SYNPR: variants seen among roughly 807,000 people sequenced by gnomAD.
The protein encoded by SYNPR is synaptoporin.
A neutral mutation model predicts 32.9 loss-of-function variants in SYNPR; 23 were observed. The observed-to-expected ratio is 0.70, with a 90% CI of 0.50 to 0.99. The LOEUF (loss-of-function observed/expected upper bound fraction) is 0.99, where lower values mean the gene tolerates loss of function less well. SYNPR is among the 50% of genes least tolerant of loss of function. The pLI is 0.00. For synonymous variants in SYNPR, 146 were observed against 135.9 expected (o/e 1.07, Z -0.52); for missense variants, 318 against 349.3 (o/e 0.91, Z 0.71).
intron 4 of SYNPR, among the ~76,000 whole-genome samples, chr3:63,589,208 A>G (rs1446695220): frequency 1.3e-5 from 2 of 152,126 alleles, no homozygotes; most frequent in African/African-American, 4.8e-5. Context: ...AAGATCCTGG[A>G]TGCAACCAGA....
At chr3:63,224,441 C>T (rs2086114312), upstream of SYNPR, among the ~76,000 whole-genome samples, 1 of 152,138 alleles carries the variant, frequency 6.6e-6, no homozygotes, top group African/African-American at 2.4e-5. Context: ...TGATAGAAGA[C>T]ATGACTAATT....
chr3:63,334,559 G>T (rs763157171), intron 2 of SYNPR, among the ~76,000 whole-genome samples: 18 of 141,092 alleles, frequency 1.3e-4, no homozygotes, highest in South Asian at 4.4e-4. Flanking sequence ...TGTGTGTGTG[G>T]ACACACGTGG....
Position 63,543,931 on chromosome 3 carries a change from C to T in SYNPR, c.210-12612C>T, listed in dbSNP as rs149920952. Among the ~76,000 whole-genome samples, 55 of 152,036 alleles carry T rather than the reference C, an allele frequency of 3.6e-4. 1 individual carries two copies. The East Asian group carries it at 8.7e-3, about 24-fold the overall frequency. ...AAGACCTTGGGAATAAGGTGGGTGG[C>T]GGGGCGTTATTCTAGTAAGAGAAAG... On this transcript the variant is annotated intron_variant, in intron 3 of 5. Transcript: ENST00000478300.
intron 3 of SYNPR, among the ~76,000 whole-genome samples, chr3:63,522,595 A>G (rs1701936802): frequency 6.6e-6 from 1 of 152,150 alleles, no homozygotes; most frequent in African/African-American, 2.4e-5. Context: ...GTTGCAATAG[A>G]CTTCAGTTAT....
At chr3:63,275,607 C>A (rs191337086), upstream of SYNPR, among the ~76,000 whole-genome samples, 5 of 152,168 alleles carry the variant, frequency 3.3e-5, no homozygotes, top group Admixed American at 2.0e-4. Context: ...TGCAAGTAGG[C>A]AATATTTTAA....
intron 3 of SYNPR, among the ~76,000 whole-genome samples, chr3:63,501,614 A>G (rs549447109): frequency 2.5e-4 from 38 of 152,232 alleles, no homozygotes; most frequent in Non-Finnish European, 4.4e-4. Flanking sequence ...AATAAATATG[A>G]TGAGCCTTTG....
At chr3:63,383,825 A>G (rs75303194) in intron 2 of SYNPR, among the ~76,000 whole-genome samples, 5 of 152,320 alleles carry the variant, frequency 3.3e-5, no homozygotes, top group African/African-American at 1.2e-4. Context: ...TGGTGACTTT[A>G]GTTATTAATA....
intron 1 of SYNPR, among the ~76,000 whole-genome samples, chr3:63,240,598 T>C (rs9833892): frequency 0.78 from 118,384 of 151,950 alleles, 46,877 homozygotes; most frequent in Middle Eastern, 0.87. Flanking sequence ...TGACAATTAC[T>C]TCACCCAAGG....
intron 4 of SYNPR, among the ~76,000 whole-genome samples, chr3:63,595,216 C>T (rs1699912718): frequency 6.6e-6 from 1 of 152,168 alleles, no homozygotes; most frequent in East Asian, 1.9e-4. Flanking sequence ...AACTCACATG[C>T]CAAGCTCCTT....
the SYNPR span, among the ~76,000 whole-genome samples, chr3:63,210,331 A>G: frequency 1.3e-5 from 2 of 152,228 alleles, no homozygotes; most frequent in African/African-American, 4.8e-5. Flanking sequence ...ACACAGCAGA[A>G]AGCCAGCAGA....
the SYNPR span, among the ~76,000 whole-genome samples, chr3:63,222,052 G>A: frequency 2.6e-3 from 168 of 63,774 alleles, 2 homozygotes; most frequent in African/African-American, 6.8e-3. Flanking sequence ...ATGCTGAGTA[G>A]AGAGTGGTTT....
chr3:63,581,681 C>A (rs1459688143), intron 4 of SYNPR, among the ~76,000 whole-genome samples: 1 of 151,964 alleles, frequency 6.6e-6, no homozygotes, highest in Non-Finnish European at 1.5e-5. Flanking sequence ...CAACACGGTC[C>A]TAAATACAAA....
the SYNPR span, among the ~76,000 whole-genome samples, chr3:63,207,033 G>A: frequency 1.3e-5 from 2 of 152,316 alleles, no homozygotes; most frequent in Admixed American, 1.3e-4. Flanking sequence ...TCAGGGAGAA[G>A]GAGAGAGGAA....
chr3:63,313,814 TATATATCC>T (rs2087002150), intron 2 of SYNPR, among the ~76,000 whole-genome samples: 1 of 40,232 alleles, frequency 2.5e-5, no homozygotes, highest in African/African-American at 1.1e-4. Context: ...TATATCCATA[TATATATCC>T]ATATATATAT....
In SYNPR at chr3:63,360,512, C is replaced by T. The variant is rs146592654; in HGVS notation, c.84+81770C>T. ...TGCTCCCTCTAATGACTTTCTATTA[C>T]GTTAAAAGTAAAACCCAGTGTCTTG... is the stretch of plus-strand genomic sequence containing the variant. On this transcript the variant is annotated intron_variant, in intron 2 of 5. Transcript: ENST00000478300. Among the ~76,000 whole-genome samples the T allele has an allele frequency of 3.0e-3, 454 of 152,290 alleles. 4 individuals carry two copies. Among genetic ancestry groups the T allele is most frequent in the African/African-American group, 0.01 (420 of 41,572 alleles).
chr3:63,348,286 T>G (rs2087462228), intron 2 of SYNPR, among the ~76,000 whole-genome samples: 1 of 152,190 alleles, frequency 6.6e-6, no homozygotes, highest in Admixed American at 6.5e-5. Context: ...TAGTTGATGT[T>G]GAGCATTTTT....
At chr3:63,394,538 T>C (rs970486007) in intron 2 of SYNPR, among the ~76,000 whole-genome samples, 1 of 152,222 alleles carries the variant, frequency 6.6e-6, no homozygotes, top group Non-Finnish European at 1.5e-5. Flanking sequence ...CATCTGTATT[T>C]TTTTTTCCTT....
chr3:63,245,710 A>AGAGAGAGAGAGAGAGAGTGT (rs1308553783), intron 1 of SYNPR, among the ~76,000 whole-genome samples: 1 of 44,210 alleles, frequency 2.3e-5, no homozygotes, highest in Non-Finnish European at 4.5e-5. Context: ...AGAGAGAGAG[A>AGAGAGAGAGAGAGAGAGTGT]GTGTGTGTGT....
At chr3:63,400,802 G>A (rs2088280576) in intron 2 of SYNPR, among the ~76,000 whole-genome samples, 1 of 152,134 alleles carries the variant, frequency 6.6e-6, no homozygotes, top group African/African-American at 2.4e-5. Flanking sequence ...AACAAAATGG[G>A]GAAGACGTAA....
Sources: gnomAD v4.1 joint callset for allele counts (sites outside exome capture counted in the v4.1 genomes callset) on GRCh38, gnomAD v4.1.1 for gene constraint, MANE v1.5 for transcripts, NCBI Gene and HGNC (gene_info 2026-07-23, HGNC 2026-07-21) for gene names.